MAGI2: variants seen among roughly 807,000 people sequenced by gnomAD.
The protein encoded by MAGI2 is membrane associated guanylate kinase, WW and PDZ domain containing 2.
A neutral mutation model predicts 133.3 loss-of-function variants in MAGI2; 35 were observed. The ratio of observed to expected loss-of-function variants is 0.26; its 90% CI spans 0.20 to 0.35. MAGI2 has a LOEUF of 0.35. Among genes scored for constraint, MAGI2 ranks in the 10% least tolerant of loss-of-function variants. MAGI2 has a pLI of 1.00. For missense variants in MAGI2, 1,636 were observed against 1,863.4 expected (o/e 0.88, Z 2.25); for synonymous variants, 729 against 710.6 (o/e 1.03, Z -0.41).
intron 1 of MAGI2, chr7:79,410,380 G>C (rs868261788): frequency 6.6e-6 from 1 of 152,038 alleles, no homozygotes; most frequent in Non-Finnish European, 1.5e-5. Context: ...AGGTAAAATG[G>C]GCATTTATAT....
At chr7:79,343,548 T>TAAA (rs10574791) in intron 1 of MAGI2, among the ~76,000 whole-genome samples, 2 of 149,716 alleles carry the variant, frequency 1.3e-5, no homozygotes. Flanking sequence ...GTATTTTCTT[T>TAAA]AAAAAAAAAA....
intron 1 of MAGI2, among the ~76,000 whole-genome samples, chr7:79,442,446 T>C (rs1490583360): frequency 2.4e-5 from 3 of 122,958 alleles, no homozygotes; most frequent in African/African-American, 1.1e-4. Context: ...CCTTAGTGTT[T>C]GAAGAGTGTG....
chr7:78,711,414 A>G (rs2151176701), intron 2 of MAGI2, among the ~76,000 whole-genome samples: 1 of 152,254 alleles, frequency 6.6e-6, no homozygotes, highest in South Asian at 2.1e-4. Flanking sequence ...TTATGTGTAA[A>G]ATGGGGGCAG....
At chr7:78,080,705 C>T (rs2151190549) in intron 20 of MAGI2, among the ~76,000 whole-genome samples, 1 of 152,284 alleles carries the variant, frequency 6.6e-6, no homozygotes, top group African/African-American at 2.4e-5. Context: ...ATTGTCTGTC[C>T]AACAGCAACT....
intron 2 of MAGI2, among the ~76,000 whole-genome samples, chr7:78,716,155 T>C (rs1563399208): frequency 6.6e-6 from 1 of 152,168 alleles, no homozygotes; most frequent in Non-Finnish European, 1.5e-5. Context: ...TTTACTGAAG[T>C]TTTCAAGGAA....
intron 6 of MAGI2, among the ~76,000 whole-genome samples, chr7:78,396,789 T>A (rs1796384991): frequency 6.6e-6 from 1 of 152,156 alleles, no homozygotes; most frequent in Admixed American, 6.6e-5. Flanking sequence ...GGTGATGTGA[T>A]GTCTGAAAGG....
chr7:78,785,347 C>A (rs1400940519), intron 2 of MAGI2, among the ~76,000 whole-genome samples: 2 of 152,122 alleles, frequency 1.3e-5, no homozygotes, highest in East Asian at 3.9e-4. Flanking sequence ...ATTTTAGAAA[C>A]CATTTTTATT....
At chr7:79,342,167 T>C (rs1375713165) in intron 1 of MAGI2, among the ~76,000 whole-genome samples, 1 of 152,218 alleles carries the variant, frequency 6.6e-6, no homozygotes, top group Non-Finnish European at 1.5e-5. Context: ...TTTAAGAGTG[T>C]TGTAAGGCAA....
At chr7:78,148,734 GAC>G (rs1325688495) in intron 16 of MAGI2, among the ~76,000 whole-genome samples, 1 of 152,140 alleles carries the variant, frequency 6.6e-6, no homozygotes, top group Non-Finnish European at 1.5e-5. Context: ...GACTTGCAAA[GAC>G]ACAGATCTGT....
chr7:78,182,214 G>C (rs1426280879), intron 13 of MAGI2, among the ~76,000 whole-genome samples: 1 of 152,064 alleles, frequency 6.6e-6, no homozygotes, highest in African/African-American at 2.4e-5. Context: ...GTTAGCATGA[G>C]GAAGATATCA....
At chr7:78,552,178 T>TA (rs1799396083) in intron 3 of MAGI2, among the ~76,000 whole-genome samples, 1 of 135,744 alleles carries the variant, frequency 7.4e-6, no homozygotes, top group Admixed American at 7.5e-5. Context: ...TTGTTTTCCT[T>TA]TTTTTTTTTT....
chr7:78,246,543 T>C (rs1376613866), intron 10 of MAGI2, among the ~76,000 whole-genome samples: 1 of 152,096 alleles, frequency 6.6e-6, no homozygotes, highest in Non-Finnish European at 1.5e-5. Flanking sequence ...CCTTAGAGTC[T>C]GAGCTGCTGA....
intron 21 of MAGI2, among the ~76,000 whole-genome samples, chr7:78,033,760 G>A (rs1218327960): frequency 6.6e-6 from 1 of 152,068 alleles, no homozygotes; most frequent in African/African-American, 2.4e-5. Context: ...CCAGAAAGTG[G>A]GGTCAACAAG....
At chr7:79,068,337 CT>C (rs1221263674) in intron 1 of MAGI2, among the ~76,000 whole-genome samples, 2 of 152,002 alleles carry the variant, frequency 1.3e-5, no homozygotes, top group Non-Finnish European at 2.9e-5. Flanking sequence ...ACTTGGGAGG[CT>C]GTATGTGTCC....
intron 20 of MAGI2, among the ~76,000 whole-genome samples, chr7:78,106,941 T>C (rs975923493): frequency 1.3e-5 from 2 of 152,186 alleles, no homozygotes; most frequent in African/African-American, 4.8e-5. Context: ...CCCAGACCAA[T>C]GTCTTGTAGA....
At chr7:78,618,335 T>G (rs1807330662) in intron 3 of MAGI2, 1 of 151,974 alleles carries the variant, frequency 6.6e-6, no homozygotes, top group Non-Finnish European at 1.5e-5. Flanking sequence ...AGTTGTCAGA[T>G]CCAGTGAATA....
At chr7:78,998,922 G>A (rs1361480794) in intron 2 of MAGI2, among the ~76,000 whole-genome samples, 4 of 152,208 alleles carry the variant, frequency 2.6e-5, no homozygotes, top group African/African-American at 9.6e-5. Flanking sequence ...CGTCCAGCAA[G>A]GCTATGATTT....
intron 2 of MAGI2, among the ~76,000 whole-genome samples, chr7:78,944,932 T>C (rs541249289): frequency 2.0e-5 from 3 of 151,942 alleles, no homozygotes; most frequent in Non-Finnish European, 2.9e-5. Flanking sequence ...AGAGATGGGG[T>C]TTCATCATGT....
chr7:79,445,297 A>C (rs1848772097), intron 1 of MAGI2, among the ~76,000 whole-genome samples: 1 of 152,186 alleles, frequency 6.6e-6, no homozygotes, highest in South Asian at 2.1e-4. Context: ...ATGGCAACAA[A>C]ATCCAAAATT....
Sources: gnomAD v4.1 joint callset for allele counts (sites outside exome capture counted in the v4.1 genomes callset) on GRCh38, gnomAD v4.1.1 for gene constraint, MANE v1.5 for transcripts, NCBI Gene and HGNC (gene_info 2026-07-23, HGNC 2026-07-21) for gene names.